CATSPERD: variants seen among roughly 807,000 people sequenced by gnomAD.
CATSPERD encodes catsper channel auxiliary subunit delta.
CATSPERD carries 86 observed loss-of-function variants against 98.1 expected under a neutral mutation model. The ratio of observed to expected loss-of-function variants is 0.88; its 90% CI spans 0.74 to 1.05. The LOEUF is 1.05. CATSPERD is among the 50% of genes least tolerant of loss of function. CATSPERD has a pLI of 0.00. For synonymous variants in CATSPERD, 394 were observed against 390.2 expected, an observed-to-expected ratio of 1.01 and a Z score of -0.12; for missense variants, 995 against 1,005.7, an observed-to-expected ratio of 0.99 and a Z score of 0.14.
intron 15 of CATSPERD, among the ~76,000 whole-genome samples, chr19:5,761,904 G>A (rs1165497384): frequency 6.7e-6 from 1 of 149,828 alleles, no homozygotes; most frequent in Non-Finnish European, 1.5e-5. Flanking sequence ...TTTTGTTGTT[G>A]TTGTTGTATT....
intron 13 of CATSPERD, among the ~76,000 whole-genome samples, chr19:5,756,226 A>G (rs563489110): frequency 2.6e-5 from 4 of 152,100 alleles, no homozygotes; most frequent in African/African-American, 9.6e-5. Context: ...GGTTGCAGTG[A>G]GCTGAGACCA....
chr19:5,776,798 C>G (rs553296970), intron 21 of CATSPERD, among the ~76,000 whole-genome samples: 16 of 151,308 alleles, frequency 1.1e-4, no homozygotes, highest in African/African-American at 3.9e-4. Flanking sequence ...CGCTTGAACC[C>G]GGGAGGCAGA....
At chr19:5,733,323 CTTT>C (rs1242422023) in intron 4 of CATSPERD, among the ~76,000 whole-genome samples, 2 of 146,176 alleles carry the variant, frequency 1.4e-5, no homozygotes, top group Non-Finnish European at 3.0e-5. Flanking sequence ...TTCTTTCTTT[CTTT>C]CTTTCTTTCC....
At chr19:5,742,135 T>C (rs944487691) in intron 7 of CATSPERD, among the ~76,000 whole-genome samples, 2 of 146,934 alleles carry the variant, frequency 1.4e-5, no homozygotes, top group African/African-American at 5.0e-5. Context: ...TGTGCGTGTG[T>C]GCGCGTGTGT....
At chr19:5,759,001 C>A in intron 14 of CATSPERD, 85 bp from the exon 15 acceptor site, 6 of 1,169,254 alleles carry the variant, frequency 5.1e-6, no homozygotes, top group Non-Finnish European at 6.3e-6. Flanking sequence ...TCCCCTCCAA[C>A]ACCCCATCTC....
At chr19:5,753,356 C>T (rs961770580) in intron 12 of CATSPERD, among the ~76,000 whole-genome samples, 1 of 151,458 alleles carries the variant, frequency 6.6e-6, no homozygotes, top group Non-Finnish European at 1.5e-5. Flanking sequence ...GTCAGGAGAT[C>T]GAGACCTTCC....
Position 5,729,933 on chromosome 19 carries a change from A to G in CATSPERD, c.265A>G (p.Thr89Ala). The change falls in exon 4 of 22, where the codon ACA (threonine) becomes GCA (alanine). Residue 89 changes from threonine to alanine, a missense_variant. Physicochemically the swap from Thr to Ala is moderately conservative, Grantham distance 58. Around this residue, in one of 3 missense-constraint regions of CATSPERD, gnomAD observed 228 missense variants for 209.6 expected, o/e 1.09. Transcript: ENST00000381624. ...ETSLLPFTIPTSMQVGVPEVT... is the reference protein window; with the variant it reads ...ETSLLPFTIPASMQVGVPEVT... ...TAGTCTCCTTCCATTTACCATCCCTACATCAATGCAGGTAGTTATTTTACT... is the reference window on the plus strand; with the variant it reads ...TAGTCTCCTTCCATTTACCATCCCTGCATCAATGCAGGTAGTTATTTTACT... 6.3e-7 allele frequency: 1 copy of G among 1,577,526 alleles called. No homozygotes were observed. Among genetic ancestry groups the G allele is most frequent in the Non-Finnish European group, 8.7e-7 (1 of 1,150,334 alleles).
intron 3 of CATSPERD, among the ~76,000 whole-genome samples, chr19:5,729,043 A>C (rs922658410): frequency 5.9e-5 from 9 of 151,566 alleles, no homozygotes; most frequent in African/African-American, 2.2e-4. Context: ...TATTATGAGA[A>C]ATGCCATTCA....
chr19:5,740,786 A>AT (rs2055946585), intron 7 of CATSPERD, among the ~76,000 whole-genome samples: 1 of 148,856 alleles, frequency 6.7e-6, no homozygotes, highest in Non-Finnish European at 1.5e-5. Flanking sequence ...AAAAAAAAAA[A>AT]GCTAGCGCCC....
intron 16 of CATSPERD, 82 bp from the exon 17 acceptor site, chr19:5,766,021 G>A (rs2056531511): frequency 1.9e-6 from 2 of 1,028,608 alleles, no homozygotes; most frequent in East Asian, 2.6e-5. Context: ...ATTCCCACAG[G>A]AGTGTGTCCC....
chr19:5,754,183 C>T lies in CATSPERD; in HGVS notation c.1216C>T (p.His406Tyr), dbSNP rs1170660035. 1 of 1,613,942 alleles carries T rather than the reference C, an allele frequency of 6.2e-7. No homozygotes were observed. Among genetic ancestry groups the T allele is most frequent in the Non-Finnish European group, 8.5e-7 (1 of 1,179,880 alleles). ...FIYRMYTIDM[H>Y]SQLELTASLI... is the part of the protein sequence containing the mutation. ...ATACAGGATGTATACCATTGACATGCACAGCCAGCTGGAATTGACTGCTTC... is the reference window on the plus strand; with the variant it reads ...ATACAGGATGTATACCATTGACATGTACAGCCAGCTGGAATTGACTGCTTC... Residue 406 changes from histidine to tyrosine, a missense_variant, in exon 13 of 22, where the codon CAC becomes TAC. This residue lies in a region of CATSPERD where 762 missense variants were observed against 773.7 expected (regional missense o/e 0.98). Transcript: ENST00000381624.
At chr19:5,768,077 C>T (rs1349407232) in intron 17 of CATSPERD, 91 bp from the exon 18 acceptor site, 3 of 1,197,012 alleles carry the variant, frequency 2.5e-6, no homozygotes, top group Non-Finnish European at 3.7e-6. Context: ...GCCTGAGCCA[C>T]CACGCCCAGC....
chr19:5,763,169 T>G (rs760233294), intron 15 of CATSPERD, 46 bp from the exon 16 acceptor site: 1 of 1,450,986 alleles, frequency 6.9e-7, no homozygotes, highest in Non-Finnish European at 9.7e-7. Context: ...CTGTGTCGTT[T>G]ACAGGGGTGC....
In CATSPERD at chr19:5,748,057, G is replaced by A. The variant is rs956996145; in HGVS notation, c.809-103G>A. ...AGGAACATCGAAAGAGCCACTGGCC[G>A]GGTGGGTTGGGTGGTGGCAGGGGTG... On this transcript the variant is annotated intron_variant, in intron 9 of 21. Transcript: ENST00000381624. 3.0e-5 allele frequency: 25 copies of A among 835,368 alleles called. 1 individual carries two copies. Among genetic ancestry groups the A allele is most frequent in the Middle Eastern group, 2.8e-4 (1 of 3,600 alleles). The allele number at this position is 835,368 out of a possible 1,614,324, so 51.7% of individuals were successfully genotyped here.
chr19:5,777,600 C>T (rs1157224196), intron 21 of CATSPERD, among the ~76,000 whole-genome samples: 3 of 152,264 alleles, frequency 2.0e-5, no homozygotes, highest in East Asian at 1.9e-4. Flanking sequence ...CCATAAAAGT[C>T]GGCCTGGCAC....
intron 20 of CATSPERD, among the ~76,000 whole-genome samples, chr19:5,775,728 T>C (rs2056730802): frequency 6.6e-6 from 1 of 151,112 alleles, no homozygotes. Flanking sequence ...AGCTGGTTAA[T>C]TGATTACAGG....
At position 5,762,121 on chromosome 19, in the gene CATSPERD, T is replaced by C. The variant is rs35547690; in HGVS notation, c.1428-1094T>C. On this transcript the variant is annotated intron_variant, in intron 15 of 21. Transcript: ENST00000381624. The stretch of plus-strand genomic sequence containing the variant: ...CTCTGTCGCCCAGGCTGGAGTGCAG[T>C]GGTGTGATCACTGGTCACTGCAACC... Among the ~76,000 whole-genome samples, 3 of 137,596 alleles carry C rather than the reference T, an allele frequency of 2.2e-5. No homozygotes were observed. The East Asian group carries it at 6.6e-4, about 30-fold the overall frequency. The allele number at this position is 137,596 out of a possible 152,430, so 90.3% of individuals were successfully genotyped here. A position where few individuals can be genotyped will look rare whatever the true frequency, so the allele number is the denominator to read the frequency against.
chr19:5,725,725 A>AC (rs2055592005), intron 2 of CATSPERD, among the ~76,000 whole-genome samples: 1 of 151,264 alleles, frequency 6.6e-6, no homozygotes, highest in Non-Finnish European at 1.5e-5. Context: ...ATATGGTGAA[A>AC]CCCCGTCTCT....
chr19:5,740,250 C>T (rs150568928), intron 7 of CATSPERD, among the ~76,000 whole-genome samples: 6 of 151,018 alleles, frequency 4.0e-5, no homozygotes, highest in Non-Finnish European at 7.4e-5. Flanking sequence ...CATTGCACTC[C>T]AGCCTGGGCA....
Sources: gnomAD v4.1 joint callset for allele counts (sites outside exome capture counted in the v4.1 genomes callset) on GRCh38, gnomAD v4.1.1 for gene constraint, gnomAD v4.1.1 regional missense constraint, MANE v1.5 for transcripts, NCBI Gene and HGNC (gene_info 2026-07-23, HGNC 2026-07-21) for gene names.